Variants in DOCK2 observed in about 807,000 individuals in gnomAD.
DOCK2 encodes the protein dedicator of cytokinesis 2, also known as dedicator of cytokinesis protein 2.
Under a neutral mutation model 248.9 loss-of-function variants are expected in DOCK2, and 87 were observed. The observed-to-expected ratio is 0.35, with a 90% CI of 0.29 to 0.42. The LOEUF (loss-of-function observed/expected upper bound fraction) is 0.42. Among genes scored for constraint, DOCK2 ranks in the 10% least tolerant of loss-of-function variants. The pLI, the probability that DOCK2 is intolerant of heterozygous loss-of-function variation, is 1.00. For missense variants in DOCK2, 1,747 were observed against 2,300.2 expected (o/e 0.76, Z 4.92); for synonymous variants, 805 against 821.6 (o/e 0.98, Z 0.35).
At chr5:169,906,100 C>T (rs1243660009) in intron 27 of DOCK2, among the ~76,000 whole-genome samples, 1 of 152,166 alleles carries the variant, frequency 6.6e-6, no homozygotes, top group Admixed American at 6.5e-5. Flanking sequence ...CTAAGAGTTA[C>T]CAAACGGTCC....
chr5:170,041,227 A>C (rs988648963), intron 37 of DOCK2, 82 bp downstream of exon 37: 1 of 1,284,522 alleles, frequency 7.8e-7, no homozygotes, highest in East Asian at 2.4e-5. Context: ...AAAAAGAAAA[A>C]AAAGAAAAAG....
chr5:170,013,941 G>T (rs943652111), intron 32 of DOCK2, among the ~76,000 whole-genome samples: 1 of 152,084 alleles, frequency 6.6e-6, no homozygotes, highest in Non-Finnish European at 1.5e-5. Context: ...TTTAATGACA[G>T]TTGCGAAGGG....
intron 27 of DOCK2, among the ~76,000 whole-genome samples, chr5:169,959,941 T>C (rs1777017673): frequency 6.6e-6 from 1 of 152,246 alleles, no homozygotes; most frequent in Non-Finnish European, 1.5e-5. Context: ...ACAGCTTGTT[T>C]GGTTTCTGTT....
intron 26 of DOCK2, among the ~76,000 whole-genome samples, chr5:169,807,833 C>CAAAAAAAAAAAAAAA (rs61670398): frequency 1.2e-4 from 3 of 24,228 alleles, no homozygotes; most frequent in Non-Finnish European, 2.3e-4. Context: ...GACTCTGTCT[C>CAAAAAAAAAAAAAAA]AAAAAAAAAA....
chr5:170,047,491 C>A lies in DOCK2; in HGVS notation c.3967-19C>A. 6.2e-7 allele frequency: 1 copy of A among 1,611,204 alleles called. No individual in the cohort carries two copies. Among genetic ancestry groups the A allele is most frequent in the Non-Finnish European group, 8.5e-7 (1 of 1,178,136 alleles). ...TGATACACATCTGTGTTGCAACAAA[C>A]CTTGTTTTCTTCCTTTAGATCCAGC... is the stretch of plus-strand genomic sequence containing the variant. On this transcript the variant is annotated intron_variant, in intron 39 of 51. Transcript: ENST00000520908.
chr5:169,880,994 G>C (rs1772609452), intron 27 of DOCK2, among the ~76,000 whole-genome samples: 1 of 152,180 alleles, frequency 6.6e-6, no homozygotes, highest in Admixed American at 6.5e-5. Flanking sequence ...TCACAGGTTT[G>C]GGATTTGAAA....
At chr5:170,080,136 G>A (rs369213597) in intron 49 of DOCK2, 27 bp from the exon 50 acceptor site, 35 of 1,613,518 alleles carry the variant, frequency 2.2e-5, no homozygotes, top group African/African-American at 1.5e-4. Context: ...TTGTGTGTGT[G>A]TGTGTGTGTC....
chr5:169,803,221 T>C lies in DOCK2; in HGVS notation c.2703+15T>C, dbSNP rs369207210. On this transcript the variant is annotated intron_variant, in intron 26 of 51. Coordinates refer to ENST00000520908, the MANE Select transcript of DOCK2 (RefSeq NM_004946.3). ...ACCAGGATGCGGTGAGTCCTCCTGA[T>C]GATGTAGATATCCTGGACTCAGACT... 6 of 1,610,924 alleles carry C rather than the reference T, an allele frequency of 3.7e-6. No homozygotes were observed. In the African/African-American group the frequency reaches 8.0e-5, roughly 22 times the overall value.
chr5:170,038,005 T>C (rs1053055834), intron 36 of DOCK2, among the ~76,000 whole-genome samples: 1 of 152,222 alleles, frequency 6.6e-6, no homozygotes, highest in Non-Finnish European at 1.5e-5. Context: ...GAGCTATCAT[T>C]TGGAGAAAAA....
chr5:170,040,227 G>T lies in DOCK2; in HGVS notation c.3666-828G>T, dbSNP rs1200194179. On this transcript the variant is annotated intron_variant, in intron 36 of 51. Transcript: ENST00000520908. ...CCATTTTACAGATGAGCAAACTAAG[G>T]CACAGAGAAGTTAATTCACTGCCCC... is the stretch of plus-strand genomic sequence containing the variant. Among the ~76,000 whole-genome samples, 5 of 152,150 alleles carry T rather than the reference G, an allele frequency of 3.3e-5. 1 individual carries two copies. Among genetic ancestry groups the T allele is most frequent in the Admixed American group, 3.3e-4 (5 of 15,272 alleles).
chr5:169,641,016 G>A (rs1338691722), intron 1 of DOCK2, among the ~76,000 whole-genome samples: 1 of 152,212 alleles, frequency 6.6e-6, no homozygotes, highest in African/African-American at 2.4e-5. Context: ...GCTGCCAGTG[G>A]TTTGCTGGCA....
intron 26 of DOCK2, among the ~76,000 whole-genome samples, chr5:169,819,052 C>A (rs1019833411): frequency 6.6e-6 from 1 of 152,186 alleles, no homozygotes; most frequent in African/African-American, 2.4e-5. Flanking sequence ...AATGCCTTCG[C>A]TTTTATATCT....
intron 45 of DOCK2, among the ~76,000 whole-genome samples, chr5:170,068,503 C>T (rs1053043312): frequency 4.6e-5 from 7 of 152,166 alleles, no homozygotes; most frequent in African/African-American, 1.4e-4. Context: ...GACAATAATT[C>T]CAGTCACCTA....
intron 49 of DOCK2, 167 bp from the exon 50 acceptor site, chr5:170,079,996 T>A: frequency 6.2e-6 from 7 of 1,138,098 alleles, no homozygotes; most frequent in Non-Finnish European, 7.3e-6. Context: ...TGCAACCATA[T>A]GTGGCAGGCT....
At chr5:169,742,015 A>C (rs13190499) in intron 22 of DOCK2, among the ~76,000 whole-genome samples, 49,042 of 151,482 alleles carry the variant, frequency 0.32, 9,555 homozygotes, top group East Asian at 0.6. Context: ...ATGGAGTTTC[A>C]CCGTGTTAGC....
chr5:169,906,220 G>A (rs1009849208), intron 27 of DOCK2, among the ~76,000 whole-genome samples: 47 of 152,120 alleles, frequency 3.1e-4, no homozygotes, highest in African/African-American at 1.1e-3. Context: ...TCTTTCTGAC[G>A]TCAAACGCAA....
chr5:170,078,963 C>T lies in DOCK2; in HGVS notation c.4995-12C>T. ...AACTGCAGTTTCTATTGCTGCCCCT[C>T]TGGCCTTTCAGCTTTGACCTGGAAT... On this transcript the variant is annotated splice_polypyrimidine_tract_variant and intron_variant, in intron 48 of 51. Coordinates refer to ENST00000520908, the MANE Select transcript of DOCK2 (RefSeq NM_004946.3). The T allele has an allele frequency of 7.4e-6, 12 of 1,613,644 alleles. No homozygotes were observed. Among genetic ancestry groups the T allele is most frequent in the Non-Finnish European group, 9.3e-6 (11 of 1,179,700 alleles).
chr5:169,662,240 T>C (rs1054301610), intron 2 of DOCK2, among the ~76,000 whole-genome samples: 2 of 152,364 alleles, frequency 1.3e-5, no homozygotes, highest in Non-Finnish European at 2.9e-5. Context: ...CATGTATCTG[T>C]TGGCCATTTG....
At chr5:170,029,706 G>A (rs1168082476) in intron 34 of DOCK2, among the ~76,000 whole-genome samples, 4 of 152,120 alleles carry the variant, frequency 2.6e-5, no homozygotes, top group Non-Finnish European at 4.4e-5. Flanking sequence ...CCCACTTCTC[G>A]CTAAGTGCAT....
Sources: gnomAD v4.1 joint callset for allele counts (sites outside exome capture counted in the v4.1 genomes callset) on GRCh38, gnomAD v4.1.1 for gene constraint, MANE v1.5 for transcripts, NCBI Gene and HGNC (gene_info 2026-07-23, HGNC 2026-07-21) for gene names.